Variants in CHD7 observed in about 807,000 individuals in gnomAD.
CHD7 encodes the protein chromodomain helicase DNA binding protein 7.
Under a neutral mutation model 307.3 loss-of-function variants are expected in CHD7, and 24 were observed. That is an observed-to-expected ratio of 0.08 (90% CI 0.06 to 0.11). The LOEUF (loss-of-function observed/expected upper bound fraction) is 0.11, where lower values mean the gene tolerates loss of function less well. CHD7 is among the 10% of genes least tolerant of loss of function. The pLI is 1.00. For synonymous variants in CHD7, 1,363 were observed against 1,349.9 expected, an observed-to-expected ratio of 1.01 and a Z score of -0.21; for missense variants, 3,106 against 3,727.1, an observed-to-expected ratio of 0.83 and a Z score of 4.34.
chr8:60,685,348 T>C (rs1018072062), intron 1 of CHD7, among the ~76,000 whole-genome samples: 1 of 152,258 alleles, frequency 6.6e-6, no homozygotes, highest in Non-Finnish European at 1.5e-5. Context: ...CTTTGCTTGT[T>C]ACTTGCCTGA....
intron 3 of CHD7, among the ~76,000 whole-genome samples, chr8:60,792,337 T>G (rs1485620869): frequency 6.6e-6 from 1 of 152,244 alleles, no homozygotes; most frequent in African/African-American, 2.4e-5. Flanking sequence ...CAATTTAATT[T>G]ACATAACTTA....
intron 2 of CHD7, among the ~76,000 whole-genome samples, chr8:60,749,002 T>TGAA (rs1809484250): frequency 1.3e-5 from 2 of 151,396 alleles, no homozygotes; most frequent in African/African-American, 2.4e-5. Flanking sequence ...AAATAGCCTT[T>TGAA]CAGGGAAAAC....
intron 9 of CHD7, 85 bp from the exon 10 acceptor site, chr8:60,821,705 T>G: frequency 8.6e-7 from 1 of 1,159,446 alleles, no homozygotes; most frequent in Non-Finnish European, 1.2e-6. Context: ...TATCTATATG[T>G]ATAAACATAT....
chr8:60,770,565 G>A (rs1810659827), intron 2 of CHD7, among the ~76,000 whole-genome samples: 1 of 152,194 alleles, frequency 6.6e-6, no homozygotes, highest in South Asian at 2.1e-4. Flanking sequence ...TTTGTAATAT[G>A]CAGCAAACTT....
At chr8:60,791,845 T>C (rs1164497933) in intron 3 of CHD7, among the ~76,000 whole-genome samples, 1 of 152,236 alleles carries the variant, frequency 6.6e-6, no homozygotes, top group Non-Finnish European at 1.5e-5. Context: ...GGAATGTCGA[T>C]GAAGGCTCTT....
chr8:60,755,372 TA>T (rs1289460549), intron 2 of CHD7, among the ~76,000 whole-genome samples: 1 of 152,156 alleles, frequency 6.6e-6, no homozygotes, highest in Non-Finnish European at 1.5e-5. Flanking sequence ...AAGAATTTAC[TA>T]TTTAGAGCGA....
intron 1 of CHD7, among the ~76,000 whole-genome samples, chr8:60,740,366 C>A (rs1157005392): frequency 6.6e-6 from 1 of 152,214 alleles, no homozygotes; most frequent in Non-Finnish European, 1.5e-5. Context: ...TTGGTGTCCA[C>A]AAAGTATCCA....
intron 1 of CHD7, among the ~76,000 whole-genome samples, chr8:60,731,459 G>A (rs1586230961): frequency 1.3e-5 from 2 of 152,282 alleles, no homozygotes; most frequent in South Asian, 4.1e-4. Flanking sequence ...TGTTCCAACT[G>A]ACGGCAATGG....
chr8:60,766,764 T>C (rs886167242), intron 2 of CHD7, among the ~76,000 whole-genome samples: 2 of 152,228 alleles, frequency 1.3e-5, no homozygotes, highest in African/African-American at 4.8e-5. Context: ...TGTTTTGGAA[T>C]GCCTTAAATT....
chr8:60,691,988 G>A (rs1181564831), intron 1 of CHD7, among the ~76,000 whole-genome samples: 1 of 152,090 alleles, frequency 6.6e-6, no homozygotes, highest in East Asian at 1.9e-4. Flanking sequence ...ATCTCCCTGG[G>A]TCATCTAGAA....
At chr8:60,783,809 C>T (rs537669108) in intron 3 of CHD7, among the ~76,000 whole-genome samples, 1 of 152,156 alleles carries the variant, frequency 6.6e-6, no homozygotes, top group Admixed American at 6.5e-5. Flanking sequence ...GGTGGCACCT[C>T]TGTTGGCCCT....
At chr8:60,766,258 C>G (rs1334205168) in intron 2 of CHD7, among the ~76,000 whole-genome samples, 3 of 152,026 alleles carry the variant, frequency 2.0e-5, no homozygotes, top group Admixed American at 2.0e-4. Flanking sequence ...TTGTTGTCTG[C>G]TGGTAAGGAA....
Position 60,841,962 on chromosome 8 carries a change from C to T in CHD7, c.4760C>T (p.Pro1587Leu), listed in dbSNP as rs587783444. 1 of 1,613,352 alleles carries T rather than the reference C, an allele frequency of 6.2e-7. No homozygotes were observed. Residue 1587 changes from proline to leucine, a missense_variant, in exon 21 of 38, where the codon CCC becomes CTC. Pro to Leu is a moderately conservative substitution (Grantham distance 98). Transcript: ENST00000423902. ...SDLESDSEEK[P>L]CAKPRRPQDK... ...TTGGAAAGTGATTCTGAAGAAAAGC[C>T]CTGTGCAAAGCCACGGCGTCCCCAG...
chr8:60,686,926 CATTTTA>C (rs1321194866), intron 1 of CHD7, among the ~76,000 whole-genome samples: 1 of 152,194 alleles, frequency 6.6e-6, no homozygotes, highest in African/African-American at 2.4e-5. Flanking sequence ...AAACCACAAA[CATTTTA>C]TTTGTTATCC....
intron 12 of CHD7, 90 bp from the exon 13 acceptor site, chr8:60,823,750 T>C: frequency 9.1e-7 from 1 of 1,092,928 alleles, no homozygotes; most frequent in Non-Finnish European, 1.4e-6. Flanking sequence ...TCCAAAGGGA[T>C]AAATACGTAT....
At position 60,742,161 on chromosome 8, in the gene CHD7, C is replaced by T. The variant is rs371398600; in HGVS notation, c.729C>T (p.Pro243=). The T allele has an allele frequency of 7.6e-5, 122 of 1,613,976 alleles. No individual in the cohort carries two copies. Among genetic ancestry groups the T allele is most frequent in the Non-Finnish European group, 1.0e-4 (118 of 1,179,876 alleles). Residue 243 remains proline (P), a synonymous_variant, in exon 2 of 38, where the codon CCC becomes CCT. Transcript: ENST00000423902. The part of the protein sequence containing the change: ...GHLSHVPQQS[P]SMAPSLRHSV... Reference sequence around the variant, plus strand: ...TGTCCCACGTGCCCCAGCAGAGTCCCAGCATGGCACCTTCCTTGCGTCACT... The same window carrying T: ...TGTCCCACGTGCCCCAGCAGAGTCCTAGCATGGCACCTTCCTTGCGTCACT...
intron 2 of CHD7, among the ~76,000 whole-genome samples, chr8:60,774,538 G>A (rs549444407): frequency 6.6e-5 from 10 of 152,306 alleles, no homozygotes; most frequent in East Asian, 1.9e-4. Flanking sequence ...GCCCAGCAGC[G>A]TGGCTCTGTG....
At chr8:60,800,808 G>A in intron 5 of CHD7, among the ~76,000 whole-genome samples, 1 of 152,158 alleles carries the variant, frequency 6.6e-6, no homozygotes, top group East Asian at 1.9e-4. Context: ...AATATAAGGA[G>A]GCTGAATATA....
chr8:60,721,091 G>A (rs749535163), intron 1 of CHD7, among the ~76,000 whole-genome samples: 3 of 152,134 alleles, frequency 2.0e-5, no homozygotes, highest in Non-Finnish European at 4.4e-5. Flanking sequence ...TGGAGCCTGG[G>A]CATTTTCCTT....
Sources: allele counts gnomAD v4.1 joint callset (sites outside exome capture counted in the v4.1 genomes callset), GRCh38; gene constraint gnomAD v4.1.1; transcripts MANE v1.5; gene names NCBI Gene and HGNC (gene_info 2026-07-23, HGNC 2026-07-21).